The following RAPGEFL1 variants were observed in gnomAD, a reference collection of about 807,000 sequenced individuals.
RAPGEFL1 encodes Rap guanine nucleotide exchange factor like 1, also known as rap guanine nucleotide exchange factor-like 1.
A neutral mutation model predicts 64.4 loss-of-function variants in RAPGEFL1; 31 were observed. That is an observed-to-expected ratio of 0.48 (90% CI 0.36 to 0.65). RAPGEFL1 has a LOEUF of 0.65. Ranked by LOEUF, RAPGEFL1 falls within the 30% of genes least tolerant of loss-of-function variation. The pLI is 0.00. For missense variants in RAPGEFL1, 682 were observed against 677.4 expected (o/e 1.01, Z -0.08); for synonymous variants, 331 against 274.1 (o/e 1.21, Z -2.05).
intron 4 of RAPGEFL1, among the ~76,000 whole-genome samples, chr17:40,185,798 A>G (rs1156382216): frequency 2.0e-5 from 3 of 150,552 alleles, no homozygotes; most frequent in East Asian, 1.9e-4. Context: ...AAAAAAAAAA[A>G]AAAAAGAAAA....
intron 4 of RAPGEFL1, among the ~76,000 whole-genome samples, chr17:40,185,549 G>A (rs1391980054): frequency 3.3e-5 from 5 of 150,426 alleles, no homozygotes; most frequent in Non-Finnish European, 7.4e-5. Flanking sequence ...AAGGCTGTGT[G>A]CCAAGGCAGG....
intron 2 of RAPGEFL1, among the ~76,000 whole-genome samples, chr17:40,182,272 T>G (rs1989917666): frequency 6.6e-6 from 1 of 151,974 alleles, no homozygotes; most frequent in Admixed American, 6.6e-5. Context: ...GATGTGGGAG[T>G]GCTTTGGAGG....
In RAPGEFL1 at chr17:40,195,131, C is replaced by T. The variant is rs1253428520; in HGVS notation, c.*1343C>T. 1 of 152,370 alleles carries T rather than the reference C, an allele frequency of 6.6e-6. No individual in the cohort carries two copies. Among genetic ancestry groups the T allele is most frequent in the East Asian group, 1.9e-4 (1 of 5,196 alleles). 9.4% of individuals were successfully genotyped at this position (152,370 alleles called of 1,614,324 possible). A position where few individuals can be genotyped will look rare whatever the true frequency, so the allele number is the denominator to read the frequency against. On this transcript the variant is annotated 3_prime_UTR_variant, in exon 15 of 15. Transcript: ENST00000620260. ...TATGAGGGTGTATATATTTTTTACC[C>T]AAAGCTCTGGAATTGTACATTTATT...
chr17:40,193,386 G>C lies in RAPGEFL1; in HGVS notation c.1833G>C (p.Arg611Ser). 6.2e-7 allele frequency: 1 copy of C among 1,614,198 alleles called. No homozygotes were observed. Among genetic ancestry groups the C allele is most frequent in the Non-Finnish European group, 8.5e-7 (1 of 1,180,044 alleles). The change falls in exon 14 of 15, where the codon AGG becomes AGC. Residue 611 changes from arginine to serine, a missense_variant. Arg to Ser is a moderately radical substitution (Grantham distance 110, BLOSUM62 -1). Transcript: ENST00000620260. ...EKLHSVAEKV[R>S]TIRKYRSRPL... The stretch of plus-strand genomic sequence containing the variant: ...AGCATTCAGTGGCCGAAAAAGTGAG[G>C]ACAATCCGCAAATACCGGAGCCGGC...
At position 40,194,874 on chromosome 17, in the gene RAPGEFL1, G is replaced by C. The variant is rs1047037436; in HGVS notation, c.*1086G>C. The C allele has an allele frequency of 2.6e-5, 4 of 152,588 alleles. No homozygotes were observed. Among genetic ancestry groups the C allele is most frequent in the Admixed American group, 6.5e-5 (1 of 15,284 alleles). 9.5% of individuals were successfully genotyped at this position (152,588 alleles called of 1,614,324 possible). On this transcript the variant is annotated 3_prime_UTR_variant, in exon 15 of 15. Transcript: ENST00000620260. Reference sequence around the variant, plus strand: ...TACCTGGGGCAGGCAGCCCCAAAGTGGGGGAGGGGGATGGCAGAGACTGTA... The same window carrying C: ...TACCTGGGGCAGGCAGCCCCAAAGTCGGGGAGGGGGATGGCAGAGACTGTA...
chr17:40,181,386 C>G (rs746157548), intron 1 of RAPGEFL1: 1 of 640,972 alleles, frequency 1.6e-6, no homozygotes. Flanking sequence ...ACGCGCCCCC[C>G]CCTTCCCTTC....
Position 40,193,817 on chromosome 17 carries a change from A to G in RAPGEFL1, c.*29A>G. ...TGGAGGCTCCAGTCAGACCCGCCAG[A>G]TCCTTGGGCACCTGGCACTCAAGCA... On this transcript the variant is annotated 3_prime_UTR_variant, in exon 15 of 15. Coordinates refer to ENST00000620260, the MANE Select transcript of RAPGEFL1 (RefSeq NM_016339.6). 1 of 1,613,384 alleles carries G rather than the reference A, an allele frequency of 6.2e-7. No homozygotes were observed. The highest frequency in any genetic ancestry group is 8.5e-7 in the Non-Finnish European group (1 of 1,179,674).
At chr17:40,180,293 C>T (rs755608412) in intron 1 of RAPGEFL1, among the ~76,000 whole-genome samples, 19 of 152,168 alleles carry the variant, frequency 1.2e-4, no homozygotes, top group Non-Finnish European at 1.9e-4. Flanking sequence ...TGGTGCCACA[C>T]GCTCCGCTCA....
At chr17:40,190,391 G>A (rs376570107) in intron 6 of RAPGEFL1, 43 bp from the exon 7 acceptor site, 108 of 1,558,784 alleles carry the variant, frequency 6.9e-5, no homozygotes, top group Non-Finnish European at 9.4e-5. Flanking sequence ...GTGTGAGGGT[G>A]CAGGCGGCAG....
intron 12 of RAPGEFL1, 41 bp from the exon 13 acceptor site, chr17:40,192,885 C>A (rs375853036): frequency 5.1e-6 from 8 of 1,559,906 alleles, no homozygotes; most frequent in Non-Finnish European, 7.1e-6. Flanking sequence ...GAACTCCTCT[C>A]TTATCCTTTC....
intron 6 of RAPGEFL1, 120 bp downstream of exon 6, chr17:40,189,495 C>T: frequency 8.5e-7 from 1 of 1,173,262 alleles, no homozygotes; most frequent in South Asian, 1.5e-5. Context: ...GGTCCCGGGA[C>T]AAGCCTCATG....
intron 6 of RAPGEFL1, among the ~76,000 whole-genome samples, chr17:40,189,916 T>C (rs1990202897): frequency 6.6e-6 from 1 of 151,254 alleles, no homozygotes; most frequent in African/African-American, 2.4e-5. Context: ...ATCAAGACAC[T>C]GTGCTCCAGT....
chr17:40,189,888 G>C (rs1264869629), intron 6 of RAPGEFL1, among the ~76,000 whole-genome samples: 2 of 152,018 alleles, frequency 1.3e-5, no homozygotes, highest in Admixed American at 1.3e-4. Flanking sequence ...CCGCGGAGGC[G>C]GAGGTTGCAG....
At chr17:40,185,545 G>C (rs1990038441) in intron 4 of RAPGEFL1, among the ~76,000 whole-genome samples, 1 of 149,004 alleles carries the variant, frequency 6.7e-6, no homozygotes, top group Admixed American at 6.7e-5. Context: ...AAAAAAGGCT[G>C]TGTGCCAAGG....
In RAPGEFL1 at chr17:40,177,485, C is replaced by G. The variant is rs1171473191; in HGVS notation, c.-377C>G. On this transcript the variant is annotated 5_prime_UTR_variant, in exon 1 of 15. Coordinates refer to ENST00000620260, the MANE Select transcript of RAPGEFL1 (RefSeq NM_016339.6). ...GGTTCTGCCACCTTCCCCCTCTTCACGGCCAGGAGCGCAGCCGCCGCCGCC... is the reference window on the plus strand; with the variant it reads ...GGTTCTGCCACCTTCCCCCTCTTCAGGGCCAGGAGCGCAGCCGCCGCCGCC... 1.6e-6 allele frequency: 1 copy of G among 616,396 alleles called. No homozygotes were observed. The highest frequency in any genetic ancestry group is 1.8e-5 in the South Asian group (1 of 54,866). The allele number at this position is 616,396 out of a possible 1,614,324, so 38.2% of individuals were successfully genotyped here.
intron 3 of RAPGEFL1, 100 bp downstream of exon 3, chr17:40,184,449 A>G: frequency 1.6e-6 from 2 of 1,246,010 alleles, no homozygotes; most frequent in Non-Finnish European, 2.3e-6. Context: ...CCTGGAAGGA[A>G]GAGATGCCAG....
Position 40,177,708 on chromosome 17 carries a change from C to T in RAPGEFL1, c.-154C>T. The T allele has an allele frequency of 2.4e-6, 1 of 409,850 alleles. No individual in the cohort carries two copies. The highest frequency in any genetic ancestry group is 3.6e-5 in the East Asian group (1 of 28,096). The allele number at this position is 409,850 out of a possible 1,614,324, so 25.4% of individuals were successfully genotyped here. ...CTACTGGCCACTGGACTCTGGCCAG[C>T]GAGGCTCGGCCCCTCTGGCCCCCAG... is the stretch of plus-strand genomic sequence containing the variant. On this transcript the variant is annotated 5_prime_UTR_variant, in exon 1 of 15. Transcript: ENST00000620260.
intron 13 of RAPGEFL1, 69 bp downstream of exon 13, chr17:40,193,059 A>T: frequency 7.1e-7 from 1 of 1,403,130 alleles, no homozygotes. Context: ...CTCTCTCATC[A>T]CCTCCCAAAA....
In RAPGEFL1 at chr17:40,193,862, C is replaced by T; in HGVS notation, c.*74C>T. 6.3e-7 allele frequency: 1 copy of T among 1,586,630 alleles called. No homozygotes were observed. The highest frequency in any genetic ancestry group is 8.6e-7 in the Non-Finnish European group (1 of 1,161,926). On this transcript the variant is annotated 3_prime_UTR_variant, in exon 15 of 15. Coordinates refer to ENST00000620260, the MANE Select transcript of RAPGEFL1 (RefSeq NM_016339.6). ...CAAGCACTTTGCACGATGTCTCAAC[C>T]AACATCTGACATCTTTCCCGTGGAG...
Sources: gnomAD v4.1 joint callset for allele counts (sites outside exome capture counted in the v4.1 genomes callset) on GRCh38, gnomAD v4.1.1 for gene constraint, MANE v1.5 for transcripts, NCBI Gene and HGNC (gene_info 2026-07-23, HGNC 2026-07-21) for gene names.